The following ARMC3 variants were observed in gnomAD, a reference collection of about 807,000 sequenced individuals.
The protein encoded by ARMC3 is armadillo repeat-containing protein 3.
Under a neutral mutation model 90.3 loss-of-function variants are expected in ARMC3, and 74 were observed. The ratio of observed to expected loss-of-function variants is 0.82; its 90% CI spans 0.68 to 0.99. The LOEUF is 0.99. ARMC3 is among the 50% of genes least tolerant of loss of function. The pLI is 0.00. For missense variants in ARMC3, 958 were observed against 1,042.8 expected (o/e 0.92, Z 1.12); for synonymous variants, 334 against 361.8 (o/e 0.92, Z 0.87).
At chr10:23,028,537 T>C (rs1294990805) in intron 16 of ARMC3, among the ~76,000 whole-genome samples, 1 of 152,194 alleles carries the variant, frequency 6.6e-6, no homozygotes, top group Non-Finnish European at 1.5e-5. Context: ...AAGTTATAAG[T>C]CCTAAGAGTC....
intron 4 of ARMC3, among the ~76,000 whole-genome samples, chr10:22,956,174 C>T (rs1225064243): frequency 6.6e-6 from 1 of 152,146 alleles, no homozygotes; most frequent in Non-Finnish European, 1.5e-5. Flanking sequence ...TGATGTAGTC[C>T]TACAAGCTGA....
Position 23,037,545 on chromosome 10 carries a change from T to C in ARMC3, c.*66T>C. ...ACTGTGTACACTCTCTAAGACATTCTCCAAATTGATTTTATCTCTTTAAAT... is the reference window on the plus strand; with the variant it reads ...ACTGTGTACACTCTCTAAGACATTCCCCAAATTGATTTTATCTCTTTAAAT... On this transcript the variant is annotated 3_prime_UTR_variant, in exon 19 of 19. Coordinates refer to ENST00000298032, the MANE Select transcript of ARMC3 (RefSeq NM_173081.5). The C allele has an allele frequency of 7.8e-7, 1 of 1,281,962 alleles. No individual in the cohort carries two copies. Among genetic ancestry groups the C allele is most frequent in the Admixed American group, 2.5e-5 (1 of 40,158 alleles). The allele number at this position is 1,281,962 out of a possible 1,614,324, so 79.4% of individuals were successfully genotyped here. A position where few individuals can be genotyped will look rare whatever the true frequency, so the allele number is the denominator to read the frequency against.
intron 16 of ARMC3, among the ~76,000 whole-genome samples, chr10:23,017,936 G>A (rs1325217682): frequency 6.6e-6 from 1 of 152,222 alleles, no homozygotes. Flanking sequence ...TCTTAATATT[G>A]TCAGATCCTA....
intron 16 of ARMC3, among the ~76,000 whole-genome samples, chr10:23,026,050 A>G (rs1838704958): frequency 6.6e-6 from 1 of 152,144 alleles, no homozygotes; most frequent in Admixed American, 6.5e-5. Context: ...GAAATAGACA[A>G]CAGCCCTGTA....
intron 10 of ARMC3, among the ~76,000 whole-genome samples, chr10:22,989,955 C>CT (rs2131369187): frequency 6.6e-6 from 1 of 152,352 alleles, no homozygotes; most frequent in South Asian, 2.1e-4. Flanking sequence ...CTGACCTTGA[C>CT]TAACAGTTTG....
intron 16 of ARMC3, among the ~76,000 whole-genome samples, chr10:23,029,220 T>G (rs1838825315): frequency 1.3e-5 from 2 of 152,216 alleles, no homozygotes; most frequent in African/African-American, 4.8e-5. Context: ...GCTTTCTCTG[T>G]GCTGATGTTC....
At chr10:22,974,375 A>AT (rs1835824372) in intron 8 of ARMC3, among the ~76,000 whole-genome samples, 1 of 152,130 alleles carries the variant, frequency 6.6e-6, no homozygotes, top group Non-Finnish European at 1.5e-5. Flanking sequence ...GCAAATAAAT[A>AT]TTGTTAGATT....
intron 8 of ARMC3, among the ~76,000 whole-genome samples, chr10:22,979,173 G>A (rs1836076293): frequency 6.6e-6 from 1 of 152,154 alleles, no homozygotes; most frequent in African/African-American, 2.4e-5. Context: ...GTAAGAAAAC[G>A]TCATGCTTTT....
At chr10:23,010,506 C>T in intron 16 of ARMC3, among the ~76,000 whole-genome samples, 2 of 97,378 alleles carry the variant, frequency 2.1e-5, no homozygotes, top group Non-Finnish European at 4.1e-5. Context: ...CTCCCCTCTC[C>T]TTCCCTTCCC....
chr10:22,930,593 C>T (rs74121679), intron 1 of ARMC3, among the ~76,000 whole-genome samples: 3,750 of 152,206 alleles, frequency 0.025, 61 homozygotes, highest in African/African-American at 0.035. Flanking sequence ...AGAATAAATG[C>T]CTTTCAGAAG....
At chr10:22,977,963 C>T (rs1425539502) in intron 8 of ARMC3, among the ~76,000 whole-genome samples, 1 of 152,210 alleles carries the variant, frequency 6.6e-6, no homozygotes, top group Non-Finnish European at 1.5e-5. Context: ...GGCAGTACTG[C>T]CCACTTCTGA....
intron 3 of ARMC3, among the ~76,000 whole-genome samples, chr10:22,952,229 A>G (rs1299757385): frequency 6.6e-6 from 1 of 152,174 alleles, no homozygotes; most frequent in East Asian, 1.9e-4. Context: ...AAAACAAAAA[A>G]ATTGATGAGC....
At chr10:22,944,994 G>A (rs1246516253) in intron 2 of ARMC3, among the ~76,000 whole-genome samples, 1 of 152,174 alleles carries the variant, frequency 6.6e-6, no homozygotes, top group African/African-American at 2.4e-5. Flanking sequence ...TTCTAGTATA[G>A]TGGGAGCCAT....
chr10:22,962,853 A>G (rs1313669604), intron 7 of ARMC3, among the ~76,000 whole-genome samples: 1 of 152,218 alleles, frequency 6.6e-6, no homozygotes, highest in Non-Finnish European at 1.5e-5. Flanking sequence ...AGTACAATAT[A>G]AAAGAGCAGT....
At chr10:23,002,195 G>A in intron 12 of ARMC3, 140 bp downstream of exon 12, 1 of 1,293,742 alleles carries the variant, frequency 7.7e-7, no homozygotes, top group Non-Finnish European at 1.0e-6. Flanking sequence ...CCCAGGGCGG[G>A]CCTTGGCTTG....
intron 3 of ARMC3, among the ~76,000 whole-genome samples, chr10:22,952,135 A>G (rs1390089293): frequency 6.6e-6 from 1 of 152,166 alleles, no homozygotes; most frequent in Non-Finnish European, 1.5e-5. Flanking sequence ...AAACAAAAAC[A>G]AAAAACAAAC....
intron 6 of ARMC3, chr10:22,959,842 T>G (rs1482941355): frequency 1.9e-6 from 1 of 529,794 alleles, no homozygotes; most frequent in Non-Finnish European, 3.6e-6. Context: ...TCAAATAAAA[T>G]GTACTTCTTT....
intron 11 of ARMC3, among the ~76,000 whole-genome samples, chr10:22,999,039 C>T (rs531541324): frequency 3.9e-5 from 6 of 152,240 alleles, no homozygotes; most frequent in East Asian, 3.9e-4. Flanking sequence ...CCTAGGGGTT[C>T]GGTGTCATTG....
chr10:22,963,429 C>CA (rs1835290429), intron 7 of ARMC3, among the ~76,000 whole-genome samples: 1 of 151,930 alleles, frequency 6.6e-6, no homozygotes, highest in Non-Finnish European at 1.5e-5. Flanking sequence ...GGGAAAAATT[C>CA]AAAGAACACA....
Sources: allele counts gnomAD v4.1 joint callset (sites outside exome capture counted in the v4.1 genomes callset), GRCh38; gene constraint gnomAD v4.1.1; transcripts MANE v1.5; gene names NCBI Gene and HGNC (gene_info 2026-07-23, HGNC 2026-07-21).